CEP68: variants seen among roughly 807,000 people sequenced by gnomAD.
The protein encoded by CEP68 is centrosomal protein 68.
Under a neutral mutation model 55.3 loss-of-function variants are expected in CEP68, and 26 were observed. That is an observed-to-expected ratio of 0.47 (90% CI 0.34 to 0.65). The LOEUF (loss-of-function observed/expected upper bound fraction) is 0.65. Among genes scored for constraint, CEP68 ranks in the 30% least tolerant of loss-of-function variants. The pLI is 0.01. For missense variants in CEP68, 957 were observed against 946.7 expected (o/e 1.01, Z -0.14); for synonymous variants, 402 against 383.2 (o/e 1.05, Z -0.57).
Position 65,069,791 on chromosome 2 carries a change from G to T in CEP68, c.347G>T (p.Gly116Val). The T allele has an allele frequency of 6.2e-7, 1 of 1,613,768 alleles. No individual in the cohort carries two copies. The highest frequency in any genetic ancestry group is 1.1e-5 in the South Asian group (1 of 91,088). The change falls in exon 2 of 7, where the codon GGG becomes GTG. Residue 116 changes from glycine to valine, a missense_variant. Physicochemically the swap from Gly to Val is moderately radical, Grantham distance 109 (BLOSUM62 -3). Transcript: ENST00000377990. ...TMGSGDLLLSGESQVEKTKLS... is the reference protein window; with the variant it reads ...TMGSGDLLLSVESQVEKTKLS... The stretch of plus-strand genomic sequence containing the variant: ...GGGTCTGGAGACCTTCTGCTCTCCG[G>T]GGAAAGCCAGGTAGGTACTAAGGCA...
At chr2:65,062,568 GCTTATATCT>G in intron 1 of CEP68, among the ~76,000 whole-genome samples, 1 of 148,784 alleles carries the variant, frequency 6.7e-6, no homozygotes, top group African/African-American at 2.5e-5. Flanking sequence ...GGGCGTGATG[GCTTATATCT>G]GTAAACCCAG....
intron 1 of CEP68, among the ~76,000 whole-genome samples, chr2:65,060,550 C>A (rs145050865): frequency 3.1e-3 from 466 of 151,600 alleles, no homozygotes; most frequent in African/African-American, 0.011. Flanking sequence ...GGCAACATAG[C>A]GAGGCCTCGT....
chr2:65,082,420 C>T, intron 5 of CEP68, 116 bp from the exon 6 acceptor site: 4 of 831,120 alleles, frequency 4.8e-6, no homozygotes, highest in Non-Finnish European at 1.7e-6. Context: ...GAAACTACTG[C>T]CAGGTCCTAC....
intron 1 of CEP68, among the ~76,000 whole-genome samples, chr2:65,062,828 C>T (rs1414662451): frequency 7.3e-6 from 1 of 137,426 alleles, no homozygotes; most frequent in African/African-American, 2.8e-5. Context: ...CAGAGCGAGA[C>T]TCTATCTCAA....
At chr2:65,073,158 T>G in intron 3 of CEP68, 178 bp downstream of exon 3, 1 of 774,306 alleles carries the variant, frequency 1.3e-6, no homozygotes, top group Admixed American at 2.1e-5. Context: ...ACTGTTCTCA[T>G]TTTACTTTTT....
rs780816256 is a variant in CEP68 at position 65,071,465 on chromosome 2, C to T, written c.369C>T (p.Thr123=). ...TTTGATCATTGCAGGTGGAGAAGAC[C>T]AAGCTTTCTTCCTCCGAGGAGTTCC... The part of the protein sequence containing the change: ...LLSGESQVEK[T]KLSSSEEFPQ... Residue 123 remains threonine, a synonymous_variant, in exon 3 of 7, where the codon ACC becomes ACT. Coordinates refer to ENST00000377990, the MANE Select transcript of CEP68 (RefSeq NM_015147.3). 2 of 1,613,008 alleles carry T rather than the reference C, an allele frequency of 1.2e-6. No individual in the cohort carries two copies. The highest frequency in any genetic ancestry group is 3.3e-5 in the Admixed American group (2 of 59,986).
chr2:65,080,939 G>C, intron 5 of CEP68, among the ~76,000 whole-genome samples: 1 of 151,622 alleles, frequency 6.6e-6, no homozygotes, highest in South Asian at 2.1e-4. Flanking sequence ...AGCCAGCTGC[G>C]GTGGCTCATG....
chr2:65,074,314 C>G lies in CEP68; in HGVS notation c.1917C>G (p.Cys639Trp). 1 of 1,614,186 alleles carries G rather than the reference C, an allele frequency of 6.2e-7. No individual in the cohort carries two copies. Among genetic ancestry groups the G allele is most frequent in the Middle Eastern group, 1.7e-4 (1 of 6,060 alleles). The change falls in exon 4 of 7, where the codon TGC becomes TGG. Residue 639 changes from cysteine (C) to tryptophan (W), a missense_variant. Physicochemically the swap from Cys to Trp is radical, Grantham distance 215. Coordinates refer to ENST00000377990, the MANE Select transcript of CEP68 (RefSeq NM_015147.3). The part of the protein sequence containing the change: ...TFCCQLEELI[C>W]WLYNVADVTD... ...GCTGTCAGCTGGAAGAGCTGATCTG[C>G]TGGCTGTATAATGTTGCAGATGTTA...
At chr2:65,076,527 G>C (rs968644728) in intron 4 of CEP68, among the ~76,000 whole-genome samples, 2 of 152,110 alleles carry the variant, frequency 1.3e-5, no homozygotes, top group Non-Finnish European at 2.9e-5. Context: ...TGGCTCATGC[G>C]TATGTGTGTG....
intron 1 of CEP68, among the ~76,000 whole-genome samples, chr2:65,067,760 A>T (rs150566191): frequency 6.6e-6 from 1 of 152,238 alleles, no homozygotes; most frequent in East Asian, 1.9e-4. Flanking sequence ...TGAGCTGTAT[A>T]TTACCTTTCA....
At chr2:65,060,785 A>T (rs181322678) in intron 1 of CEP68, among the ~76,000 whole-genome samples, 2 of 152,208 alleles carry the variant, frequency 1.3e-5, no homozygotes, top group Admixed American at 1.3e-4. Flanking sequence ...ACACATGGAC[A>T]CTCTGCTGAC....
At chr2:65,068,356 T>C (rs1431482132) in intron 1 of CEP68, among the ~76,000 whole-genome samples, 1 of 152,140 alleles carries the variant, frequency 6.6e-6, no homozygotes, top group Admixed American at 6.5e-5. Context: ...TCCCAAATCA[T>C]CATCCTTCCC....
chr2:65,058,491 T>C (rs1459847559), intron 1 of CEP68, among the ~76,000 whole-genome samples: 2 of 141,522 alleles, frequency 1.4e-5, no homozygotes, highest in Non-Finnish European at 3.0e-5. Flanking sequence ...ATGGCTGATT[T>C]TTTTCCTTTT....
intron 1 of CEP68, among the ~76,000 whole-genome samples, chr2:65,066,983 T>C (rs1175602947): frequency 1.3e-5 from 2 of 151,336 alleles, no homozygotes; most frequent in Non-Finnish European, 2.9e-5. Context: ...GGACCTGCTG[T>C]ATTGCTTAGG....
intron 1 of CEP68, among the ~76,000 whole-genome samples, chr2:65,058,663 T>C (rs1385213657): frequency 1.3e-5 from 2 of 151,790 alleles, no homozygotes; most frequent in Non-Finnish European, 2.9e-5. Context: ...CCCACCACCG[T>C]GTTCCGCTAA....
rs558790941 is a variant in CEP68 at position 65,058,037 on chromosome 2, A to T, written c.-47+1509A>T. On this transcript the variant is annotated intron_variant, in intron 1 of 6. Transcript: ENST00000377990. ...TGGTGAGTTATTAGGATTAAATAAGATATTGATGTATAGTGCCTAATATAG... is the reference window on the plus strand; with the variant it reads ...TGGTGAGTTATTAGGATTAAATAAGTTATTGATGTATAGTGCCTAATATAG... Among the ~76,000 whole-genome samples the T allele has an allele frequency of 8.5e-5, 13 of 152,352 alleles. No individual in the cohort carries two copies. In the East Asian group the frequency reaches 1.9e-3, roughly 23 times the overall value.
chr2:65,072,052 T>A lies in CEP68; in HGVS notation c.956T>A (p.Leu319His). 6.2e-7 allele frequency: 1 copy of A among 1,613,808 alleles called. No individual in the cohort carries two copies. The highest frequency in any genetic ancestry group is 1.1e-5 in the South Asian group (1 of 91,072). Residue 319 changes from leucine to histidine, a missense_variant, in exon 3 of 7, where the codon CTT becomes CAT. By Grantham distance (99) the Leu-to-His change is moderately conservative. Transcript: ENST00000377990. ...LRPGPQLPKH[L>H]DSRVPADPVL... ...CCCGGGCCTCAGCTCCCAAAGCACC[T>A]TGATAGCCGTGTGCCAGCTGACCCT... is the stretch of plus-strand genomic sequence containing the variant.
At chr2:65,083,597 A>G (rs1297643182) in intron 6 of CEP68, 42 bp from the exon 7 acceptor site, 7 of 152,216 alleles carry the variant, frequency 4.6e-5, no homozygotes, top group Admixed American at 4.6e-4. Context: ...TTCTTCCTCT[A>G]CAACATTATG....
In CEP68 at chr2:65,069,796, A is replaced by T. The variant is rs1343164201; in HGVS notation, c.352A>T (p.Ser118Cys). The change falls in exon 2 of 7, where the codon AGC becomes TGC. Residue 118 changes from serine (S) to cysteine (C), a missense_variant. By Grantham distance (112) the Ser-to-Cys change is moderately radical (BLOSUM62 -1). Coordinates refer to ENST00000377990, the MANE Select transcript of CEP68 (RefSeq NM_015147.3). ...TGGAGACCTTCTGCTCTCCGGGGAA[A>T]GCCAGGTAGGTACTAAGGCAAGACT... ...GSGDLLLSGESQVEKTKLSSS... is the reference protein window; with the variant it reads ...GSGDLLLSGECQVEKTKLSSS... 6.2e-7 allele frequency: 1 copy of T among 1,613,584 alleles called. No individual in the cohort carries two copies. Among genetic ancestry groups the T allele is most frequent in the Non-Finnish European group, 8.5e-7 (1 of 1,179,848 alleles).
Sources: gnomAD v4.1 joint callset for allele counts (sites outside exome capture counted in the v4.1 genomes callset) on GRCh38, gnomAD v4.1.1 for gene constraint, MANE v1.5 for transcripts, NCBI Gene and HGNC (gene_info 2026-07-23, HGNC 2026-07-21) for gene names.